GNL3L: variants seen among roughly 807,000 people sequenced by gnomAD.
GNL3L encodes the protein guanine nucleotide-binding protein-like 3-like protein.
In GNL3L, 4 loss-of-function variants were observed where a neutral mutation model predicts 42.9. The observed-to-expected ratio is 0.09, with a 90% CI of 0.05 to 0.21. The LOEUF (loss-of-function observed/expected upper bound fraction) is 0.21. Ranked by LOEUF, GNL3L falls within the 10% of genes least tolerant of loss-of-function variation. The probability of loss-of-function intolerance (pLI) is 1.00; values close to 1 mark genes in which losing one functional copy is unlikely to be tolerated. For missense variants in GNL3L, 412 were observed against 481.7 expected, an observed-to-expected ratio of 0.86 and a Z score of 1.36; for synonymous variants, 159 against 176.3, an observed-to-expected ratio of 0.90 and a Z score of 0.78.
At chrX:54,590,185 G>A (rs772561524) in intron 16 of GNL3L, among the ~76,000 whole-genome samples, 15 of 111,624 alleles carry the variant, frequency 1.3e-4, no homozygotes, top group African/African-American at 4.5e-4. Context: ...TGATCCGCCC[G>A]CCTCGGCCTC....
chrX:54,615,663 C>T (rs183001346), intron 16 of GNL3L, among the ~76,000 whole-genome samples: 79 of 110,435 alleles, frequency 7.2e-4, no homozygotes, highest in African/African-American at 2.4e-3. Flanking sequence ...TCTTTACCTT[C>T]GAAAACAGAT....
intron 9 of GNL3L, among the ~76,000 whole-genome samples, chrX:54,549,428 C>A (rs1201661364): frequency 8.9e-6 from 1 of 112,251 alleles, no homozygotes; most frequent in Non-Finnish European, 1.9e-5. Flanking sequence ...GATGTAGCAG[C>A]TCATTCATGC....
the GNL3L span, among the ~76,000 whole-genome samples, chrX:54,639,037 TC>T: frequency 3.6e-5 from 4 of 111,543 alleles, no homozygotes; most frequent in African/African-American, 1.3e-4. Context: ...CGCATACACT[TC>T]TCTAGGAGTC....
intron 16 of GNL3L, among the ~76,000 whole-genome samples, chrX:54,611,910 A>T (rs1001291622): frequency 7.1e-5 from 8 of 112,089 alleles, no homozygotes; most frequent in African/African-American, 2.6e-4. Context: ...TTGTTGGACG[A>T]AATGTTCTGT....
chrX:54,582,417 A>G (rs1925728597), intron 16 of GNL3L, among the ~76,000 whole-genome samples: 1 of 111,952 alleles, frequency 8.9e-6, no homozygotes, highest in Non-Finnish European at 1.9e-5. Flanking sequence ...GTATTCCTTT[A>G]TAATAATACA....
At chrX:54,635,211 A>G in the GNL3L span, among the ~76,000 whole-genome samples, 3 of 111,436 alleles carry the variant, frequency 2.7e-5, no homozygotes, top group East Asian at 5.6e-4. Flanking sequence ...TTTCATTTCA[A>G]TCATTGTACT....
intron 2 of GNL3L, among the ~76,000 whole-genome samples, chrX:54,534,554 CT>C (rs1316757220): frequency 9.0e-6 from 1 of 111,451 alleles, no homozygotes; most frequent in Non-Finnish European, 1.9e-5. Context: ...CAGAGATCTG[CT>C]TTTGAGTACT....
In GNL3L at chrX:54,554,498, G is replaced by A; in HGVS notation, c.1319-67G>A. ...AGCATCCATGTATCCTTTTCACTGAGGCCTGACCAGGGGGCTGGCAACAGA... is the reference window on the plus strand; with the variant it reads ...AGCATCCATGTATCCTTTTCACTGAAGCCTGACCAGGGGGCTGGCAACAGA... On this transcript the variant is annotated intron_variant, in intron 13 of 15. Transcript: ENST00000360845. The A allele has an allele frequency of 2.7e-6, 3 of 1,129,039 alleles. No individual in the cohort carries two copies. The Admixed American group carries it at 6.9e-5, about 26-fold the overall frequency. 93.0% of individuals were successfully genotyped at this position (1,129,039 alleles called of 1,213,427 possible).
At chrX:54,631,465 A>G in the GNL3L span, among the ~76,000 whole-genome samples, 2 of 110,632 alleles carry the variant, frequency 1.8e-5, no homozygotes, top group African/African-American at 3.3e-5. Flanking sequence ...GTGCATATAT[A>G]TTTGGGATTG....
At chrX:54,608,013 C>T (rs1393792944) in intron 16 of GNL3L, among the ~76,000 whole-genome samples, 1 of 111,749 alleles carries the variant, frequency 8.9e-6, no homozygotes, top group Non-Finnish European at 1.9e-5. Flanking sequence ...TAAAAGAAAA[C>T]ACAAAATAAT....
At chrX:54,600,206 C>CTT (rs1172527598) in intron 16 of GNL3L, among the ~76,000 whole-genome samples, 2 of 13,401 alleles carry the variant, frequency 1.5e-4, no homozygotes, top group South Asian at 4.3e-3. Flanking sequence ...CAATCTGCTG[C>CTT]TTTTTTTTTT....
intron 16 of GNL3L, among the ~76,000 whole-genome samples, chrX:54,585,421 G>C (rs1298574047): frequency 9.0e-6 from 1 of 110,760 alleles, no homozygotes; most frequent in African/African-American, 3.3e-5. Context: ...TTTGATTACT[G>C]ATTCAGTCTT....
At chrX:54,590,595 A>G (rs1303620990) in intron 16 of GNL3L, among the ~76,000 whole-genome samples, 1 of 110,786 alleles carries the variant, frequency 9.0e-6, no homozygotes, top group Non-Finnish European at 1.9e-5. Flanking sequence ...TTTGTTGATC[A>G]TTTCCCTTGC....
At chrX:54,588,689 G>T (rs1193503863) in intron 16 of GNL3L, among the ~76,000 whole-genome samples, 1 of 111,502 alleles carries the variant, frequency 9.0e-6, no homozygotes, top group Non-Finnish European at 1.9e-5. Context: ...GCCAGGCGTG[G>T]TGGCACACGC....
chrX:54,611,076 G>A (rs747072411), intron 16 of GNL3L, among the ~76,000 whole-genome samples: 49 of 110,751 alleles, frequency 4.4e-4, no homozygotes, highest in Non-Finnish European at 7.6e-4. Context: ...TAAGCTAGGA[G>A]GGTTGTATTT....
intron 16 of GNL3L, among the ~76,000 whole-genome samples, chrX:54,606,704 G>A (rs1202490387): frequency 9.4e-6 from 1 of 106,064 alleles, no homozygotes; most frequent in Non-Finnish European, 1.9e-5. Context: ...GTAGTGGTGC[G>A]CTCTTGGCTC....
chrX:54,538,738 T>G (rs1924522150), intron 2 of GNL3L, among the ~76,000 whole-genome samples: 1 of 111,395 alleles, frequency 9.0e-6, no homozygotes, highest in African/African-American at 3.3e-5. Context: ...TTGTTGAGTT[T>G]CCCCCAGTAG....
chrX:54,610,240 G>C lies in GNL3L; in HGVS notation c.*46-10605G>C, dbSNP rs191598331. Among the ~76,000 whole-genome samples the C allele has an allele frequency of 2.2e-3, 249 of 111,398 alleles. 1 individual carries two copies. The highest frequency in any genetic ancestry group is 7.5e-3 in the African/African-American group (231 of 30,703). ...GCTGAGTTTTTTTTATCAGTTCTAG[G>C]AGCTTTCTGGAGGAGTCCTTAGGGT... On this transcript the variant is annotated intron_variant, in intron 16 of 16. Transcript: ENST00000674498.
At chrX:54,569,489 CTT>C (rs1450236712), downstream of GNL3L, among the ~76,000 whole-genome samples, 1 of 111,759 alleles carries the variant, frequency 8.9e-6, no homozygotes, top group Non-Finnish European at 1.9e-5. Context: ...TTAATATCCT[CTT>C]ATCATTTTGT....
Sources: gnomAD v4.1 joint callset for allele counts (sites outside exome capture counted in the v4.1 genomes callset) on GRCh38, gnomAD v4.1.1 for gene constraint, MANE v1.5 for transcripts, NCBI Gene and HGNC (gene_info 2026-07-23, HGNC 2026-07-21) for gene names.